The following NLGN1 variants were observed in gnomAD, a reference collection of about 807,000 sequenced individuals.
The protein encoded by NLGN1 is neuroligin 1.
In NLGN1, 12 loss-of-function variants were observed where a neutral mutation model predicts 65.5. The observed-to-expected ratio is 0.18, with a 90% CI of 0.12 to 0.30. The LOEUF (loss-of-function observed/expected upper bound fraction) is 0.30, where lower values mean the gene tolerates loss of function less well. Among genes scored for constraint, NLGN1 ranks in the 10% least tolerant of loss-of-function variants. The pLI, the probability that NLGN1 is intolerant of heterozygous loss-of-function variation, is 1.00. For missense variants in NLGN1, 750 were observed against 1,007.1 expected, an observed-to-expected ratio of 0.74 and a Z score of 3.46; for synonymous variants, 350 against 359.5, an observed-to-expected ratio of 0.97 and a Z score of 0.30.
At chr3:174,207,168 T>C (rs2152784166) in intron 4 of NLGN1, among the ~76,000 whole-genome samples, 1 of 150,396 alleles carries the variant, frequency 6.6e-6, no homozygotes, top group East Asian at 2.0e-4. Flanking sequence ...CTGGAGGTGT[T>C]TTATAGATTG....
At chr3:173,677,245 C>T (rs1456602269) in intron 3 of NLGN1, among the ~76,000 whole-genome samples, 4 of 151,910 alleles carry the variant, frequency 2.6e-5, no homozygotes, top group Admixed American at 6.6e-5. Context: ...AATCAGAACT[C>T]GATTATATGA....
At chr3:173,992,894 A>G (rs1448929647) in intron 4 of NLGN1, among the ~76,000 whole-genome samples, 1 of 152,214 alleles carries the variant, frequency 6.6e-6, no homozygotes, top group African/African-American at 2.4e-5. Flanking sequence ...GTTTACAACA[A>G]TCTTAGTCTA....
intron 3 of NLGN1, among the ~76,000 whole-genome samples, chr3:173,635,473 G>T (rs1302275065): frequency 6.6e-6 from 1 of 152,128 alleles, no homozygotes; most frequent in Non-Finnish European, 1.5e-5. Context: ...TGTATTGAAG[G>T]TCTAGGTTCA....
intron 4 of NLGN1, among the ~76,000 whole-genome samples, chr3:174,173,900 T>C (rs1366638829): frequency 6.6e-6 from 1 of 152,008 alleles, no homozygotes; most frequent in Non-Finnish European, 1.5e-5. Flanking sequence ...TAGTGGTTAT[T>C]TGTGAGATTT....
At chr3:173,467,387 T>A (rs1397553927) in intron 2 of NLGN1, among the ~76,000 whole-genome samples, 1 of 152,160 alleles carries the variant, frequency 6.6e-6, no homozygotes, top group African/African-American at 2.4e-5. Flanking sequence ...TTAGGACATT[T>A]CTAATTATAA....
intron 2 of NLGN1, among the ~76,000 whole-genome samples, chr3:173,517,299 C>G (rs1733963095): frequency 1.3e-5 from 2 of 151,968 alleles, no homozygotes; most frequent in Admixed American, 6.6e-5. Context: ...AGTTGCAGAA[C>G]AAAGAAGGGC....
chr3:174,205,010 G>A (rs1319357739), intron 4 of NLGN1, among the ~76,000 whole-genome samples: 4 of 152,128 alleles, frequency 2.6e-5, no homozygotes, highest in African/African-American at 7.2e-5. Context: ...TCACAGGATC[G>A]TGAAGTCTCT....
chr3:173,614,063 T>G (rs1454013700), intron 3 of NLGN1, among the ~76,000 whole-genome samples: 4 of 151,276 alleles, frequency 2.6e-5, no homozygotes, highest in Non-Finnish European at 5.9e-5. Context: ...CATCTCCTAG[T>G]CTTAGAAGCA....
In NLGN1 at chr3:173,977,649, A is replaced by G. The variant is rs1017488580; in HGVS notation, c.646+169817A>G. Among the ~76,000 whole-genome samples, 4 of 151,410 alleles carry G rather than the reference A, an allele frequency of 2.6e-5. No homozygotes were observed. In the Middle Eastern group the frequency reaches 0.01, roughly 386 times the overall value. On this transcript the variant is annotated intron_variant, in intron 4 of 6. Transcript: ENST00000457714. ...CTAGTGGTGCTATTTATTGACCTAG[A>G]AAAAAAAATGGACAAAGCACAAACT...
At chr3:173,909,179 G>T in intron 4 of NLGN1, among the ~76,000 whole-genome samples, 1 of 151,946 alleles carries the variant, frequency 6.6e-6, no homozygotes. Context: ...CTTGCAGAAC[G>T]ATGCAAGGAA....
intron 4 of NLGN1, among the ~76,000 whole-genome samples, chr3:173,970,439 C>T (rs547456137): frequency 4.6e-5 from 7 of 152,034 alleles, no homozygotes; most frequent in South Asian, 4.1e-4. Flanking sequence ...ATCCAAATGC[C>T]GGAAGTTCAG....
intron 4 of NLGN1, among the ~76,000 whole-genome samples, chr3:173,933,087 G>C (rs1157492145): frequency 6.6e-6 from 1 of 152,104 alleles, no homozygotes; most frequent in Non-Finnish European, 1.5e-5. Context: ...AAAACCTTAA[G>C]AGAAAGTAGG....
intron 2 of NLGN1, among the ~76,000 whole-genome samples, chr3:173,563,592 T>C (rs1272780781): frequency 6.6e-6 from 1 of 152,228 alleles, no homozygotes; most frequent in East Asian, 1.9e-4. Context: ...CTGTTGTCTC[T>C]CATGCAGACT....
chr3:173,827,627 A>ATGTGTGTGTGTGTG (rs1179875893), intron 4 of NLGN1, among the ~76,000 whole-genome samples: 1 of 71,798 alleles, frequency 1.4e-5, no homozygotes, highest in East Asian at 4.0e-4. Flanking sequence ...TATATTTATG[A>ATGTGTGTGTGTGTG]TATGTGTGTG....
At chr3:173,523,575 C>T (rs1376079332) in intron 2 of NLGN1, among the ~76,000 whole-genome samples, 1 of 151,526 alleles carries the variant, frequency 6.6e-6, no homozygotes, top group African/African-American at 2.4e-5. Flanking sequence ...AGATATGTGG[C>T]TTTATTTCTG....
At chr3:173,626,197 A>G (rs1458428914) in intron 3 of NLGN1, among the ~76,000 whole-genome samples, 1 of 152,074 alleles carries the variant, frequency 6.6e-6, no homozygotes, top group Non-Finnish European at 1.5e-5. Context: ...ATTTAATTTT[A>G]TTAATATAAA....
At chr3:173,648,459 A>G (rs138452787) in intron 3 of NLGN1, among the ~76,000 whole-genome samples, 250 of 152,350 alleles carry the variant, frequency 1.6e-3, no homozygotes, top group African/African-American at 5.7e-3. Context: ...TAAAAAGATG[A>G]TCATACCAAG....
intron 4 of NLGN1, among the ~76,000 whole-genome samples, chr3:174,167,295 T>G (rs1326708528): frequency 6.6e-6 from 1 of 152,124 alleles, no homozygotes; most frequent in African/African-American, 2.4e-5. Flanking sequence ...GTTTACAAAC[T>G]ATGTATTTAA....
chr3:173,669,835 T>C (rs748806930), intron 3 of NLGN1, among the ~76,000 whole-genome samples: 23 of 152,164 alleles, frequency 1.5e-4, no homozygotes, highest in Non-Finnish European at 3.2e-4. Flanking sequence ...ACCATTCAAA[T>C]ACTGGGCAAA....
Sources: gnomAD v4.1 joint callset for allele counts (sites outside exome capture counted in the v4.1 genomes callset) on GRCh38, gnomAD v4.1.1 for gene constraint, MANE v1.5 for transcripts, NCBI Gene and HGNC (gene_info 2026-07-23, HGNC 2026-07-21) for gene names.